The following ELAC2 variants were observed in gnomAD, a reference collection of about 807,000 sequenced individuals.
The protein encoded by ELAC2 is elaC ribonuclease Z 2, also known as zinc phosphodiesterase ELAC protein 2.
In ELAC2, 92 loss-of-function variants were observed where a neutral mutation model predicts 105.2. The observed-to-expected ratio is 0.87, with a 90% confidence interval of 0.74 to 1.04. The LOEUF (loss-of-function observed/expected upper bound fraction) is 1.04. ELAC2 is among the 50% of genes least tolerant of loss of function. The pLI, the probability that ELAC2 is intolerant of heterozygous loss-of-function variation, is 0.00. For synonymous variants in ELAC2, 468 were observed against 409.1 expected (o/e 1.14, Z -1.74); for missense variants, 1,099 against 1,071.7 (o/e 1.03, Z -0.36).
At chr17:13,006,887 C>T (rs1015691225) in intron 8 of ELAC2, among the ~76,000 whole-genome samples, 2 of 151,782 alleles carry the variant, frequency 1.3e-5, no homozygotes, top group African/African-American at 4.8e-5. Flanking sequence ...TTTGGGAAGC[C>T]GAGGCGGGTA....
intron 8 of ELAC2, 128 bp downstream of exon 8, chr17:13,010,485 G>A (rs2041357178): frequency 1.1e-6 from 1 of 883,324 alleles, no homozygotes; most frequent in Admixed American, 2.0e-5. Context: ...CAGCTTTTCT[G>A]AAGATCTGCT....
intron 19 of ELAC2, among the ~76,000 whole-genome samples, chr17:12,995,289 G>A (rs1036246086): frequency 9.2e-5 from 14 of 152,200 alleles, no homozygotes; most frequent in African/African-American, 2.7e-4. Flanking sequence ...GGCTCAGGCA[G>A]CACGGGCCAC....
chr17:13,015,926 A>C, intron 3 of ELAC2, 94 bp from the exon 4 acceptor site: 1 of 949,814 alleles, frequency 1.1e-6, no homozygotes, highest in Non-Finnish European at 1.7e-6. Flanking sequence ...ATTTATCTAC[A>C]TCTCCACCTT....
rs1477809305 is a variant in ELAC2 at position 12,992,810 on chromosome 17, C to T, written c.*8G>A. On this transcript the variant is annotated 3_prime_UTR_variant, in exon 24 of 24. Coordinates refer to ENST00000338034, the MANE Select transcript of ELAC2 (RefSeq NM_018127.7). Reference sequence around the variant, plus strand: ...CACAGCCTTCTGAGTTCAGGGTCTCCCAGATCTTCACTGGGCTCTGACCTT... The same window carrying T: ...CACAGCCTTCTGAGTTCAGGGTCTCTCAGATCTTCACTGGGCTCTGACCTT... 5.6e-6 allele frequency: 9 copies of T among 1,611,502 alleles called. No homozygotes were observed. In the East Asian group the frequency reaches 2.0e-4, roughly 36 times the overall value.
intron 17 of ELAC2, 197 bp downstream of exon 17, chr17:12,996,350 C>A (rs1379192554): frequency 1.0e-5 from 8 of 786,416 alleles, no homozygotes. Context: ...AGGAAAGGAA[C>A]TGAACAGGAA....
At chr17:13,001,839 A>G (rs888571956) in intron 14 of ELAC2, among the ~76,000 whole-genome samples, 1 of 152,256 alleles carries the variant, frequency 6.6e-6, no homozygotes, top group Non-Finnish European at 1.5e-5. Context: ...GATACAGGAA[A>G]AGACTGACAA....
At chr17:12,996,381 CAGA>C (rs1202733017) in intron 17 of ELAC2, 163 bp downstream of exon 17, 4 of 947,428 alleles carry the variant, frequency 4.2e-6, no homozygotes, top group African/African-American at 1.6e-5. Context: ...TCTTGTGGCG[CAGA>C]AGGACTATGT....
chr17:12,994,597 T>A, intron 21 of ELAC2, 94 bp from the exon 22 acceptor site: 1 of 1,594,130 alleles, frequency 6.3e-7, no homozygotes, highest in Non-Finnish European at 8.6e-7. Context: ...AACACTCAGC[T>A]CCCCTGGCCC....
rs771949425 is a variant in ELAC2, at chr17:12,994,999, C to T, written c.1872G>A (p.Leu624=). ...AEISSPAVER[L]ISSLLRTCDL... is the part of the protein sequence containing the mutation. ...CACATGTTCGCAACAGCGAACTGAT[C>T]AATCTTTCCACTGCAGGACTGGAGA... Residue 624 remains leucine, a synonymous_variant, in exon 20 of 24, where the codon TTG becomes TTA. Transcript: ENST00000338034. 1 of 1,614,220 alleles carries T rather than the reference C, an allele frequency of 6.2e-7. No individual in the cohort carries two copies. Among genetic ancestry groups the T allele is most frequent in the South Asian group, 1.1e-5 (1 of 91,084 alleles).
chr17:13,009,385 A>T (rs1229050320), intron 8 of ELAC2, among the ~76,000 whole-genome samples: 1 of 152,244 alleles, frequency 6.6e-6, no homozygotes, highest in East Asian at 1.9e-4. Flanking sequence ...AATTTGTTGC[A>T]AATTGTATTG....
At chr17:12,995,472 C>CA (rs1168788373) in intron 19 of ELAC2, among the ~76,000 whole-genome samples, 1 of 152,262 alleles carries the variant, frequency 6.6e-6, no homozygotes, top group South Asian at 2.1e-4. Context: ...GCTCAGAACT[C>CA]AAATGAGGAC....
In ELAC2 at chr17:12,991,775, CT is replaced by C. The variant is rs1268085809; in HGVS notation, c.*1042del. 5 of 213,716 alleles carry C rather than the reference CT, an allele frequency of 2.3e-5. No homozygotes were observed. Among genetic ancestry groups the C allele is most frequent in the African/African-American group, 1.1e-4 (5 of 44,134 alleles). 13.2% of individuals were successfully genotyped at this position (213,716 alleles called of 1,614,324 possible). On this transcript the variant is annotated 3_prime_UTR_variant, in exon 24 of 24. Transcript: ENST00000338034. ...CCTGGCTGATCTCTCGCTTGCTTGT[CT>C]TTTGAGTTTTTAAAGCTCTTCTTTT...
At chr17:13,008,154 G>GT (rs2041212900) in intron 8 of ELAC2, among the ~76,000 whole-genome samples, 1 of 150,280 alleles carries the variant, frequency 6.7e-6, no homozygotes. Flanking sequence ...AAGTCGAGAT[G>GT]GCAACACTGC....
chr17:13,007,040 G>A (rs1207300875), intron 8 of ELAC2, among the ~76,000 whole-genome samples: 1 of 151,774 alleles, frequency 6.6e-6, no homozygotes, highest in African/African-American at 2.4e-5. Context: ...AACCCAGGAG[G>A]CGGAAGATTG....
At chr17:13,003,957 A>G in intron 11 of ELAC2, 1 of 250,570 alleles carries the variant, frequency 4.0e-6, no homozygotes, top group Non-Finnish European at 8.0e-6. Context: ...TTCCTCGAAT[A>G]AACCTCCTGC....
Position 13,005,969 on chromosome 17 carries a change from T to C in ELAC2, c.749A>G (p.Lys250Arg). Residue 250 changes from lysine to arginine, a missense_variant, in exon 9 of 24, where the codon AAG (lysine) becomes AGG (arginine). Lys to Arg is a conservative substitution (Grantham distance 26). Transcript: ENST00000338034. The stretch of plus-strand genomic sequence containing the variant: ...TTTGAGCACCAAGAAGTTTCCTCTC[T>C]TTAAGTGAAGCTGCAACAAAGAGAA... Reference protein sequence around the residue: ...VVAFICKLHLKRGNFLVLKAK... With the variant: ...VVAFICKLHLRRGNFLVLKAK... 6.2e-7 allele frequency: 1 copy of C among 1,614,190 alleles called. No individual in the cohort carries two copies. Among genetic ancestry groups the C allele is most frequent in the East Asian group, 2.2e-5 (1 of 44,880 alleles).
chr17:12,994,081 G>C (rs1567740462), intron 22 of ELAC2, among the ~76,000 whole-genome samples: 1 of 152,174 alleles, frequency 6.6e-6, no homozygotes, highest in Non-Finnish European at 1.5e-5. Flanking sequence ...AAACCACAGG[G>C]CCCACCTGGG....
chr17:12,996,604 C>T lies in ELAC2; in HGVS notation c.1602G>A (p.Arg534=), dbSNP rs1434272226. The T allele has an allele frequency of 4.3e-6, 7 of 1,613,948 alleles. No homozygotes were observed. The African/African-American group carries it at 6.7e-5, about 15-fold the overall frequency. ...LCRHYGDQVD[R]VLGTLAAVFV... ...ACACAGCAGCCAGGGTGCCCAGGAC[C>T]CTGTCCACCTGGTCTCCGTAATGAC... is the stretch of plus-strand genomic sequence containing the variant. The change falls in exon 17 of 24, where the codon AGG becomes AGA. Residue 534 remains arginine (R), a synonymous_variant. Transcript: ENST00000338034.
chr17:12,996,005 C>T (rs1301132830), intron 17 of ELAC2, 27 bp from the exon 18 acceptor site: 1 of 1,581,262 alleles, frequency 6.3e-7, no homozygotes, highest in Non-Finnish European at 8.6e-7. Flanking sequence ...AGACATGCGT[C>T]AGCCAGGCCC....
Sources: gnomAD v4.1 joint callset for allele counts (sites outside exome capture counted in the v4.1 genomes callset) on GRCh38, gnomAD v4.1.1 for gene constraint, MANE v1.5 for transcripts, NCBI Gene and HGNC (gene_info 2026-07-23, HGNC 2026-07-21) for gene names.